FGF22: variants seen among roughly 807,000 people sequenced by gnomAD.
The protein encoded by FGF22 is fibroblast growth factor 22.
Under a neutral mutation model 10.3 loss-of-function variants are expected in FGF22, and 11 were observed. The ratio of observed to expected loss-of-function variants is 1.07; its 90% CI spans 0.67 to 1.77. FGF22 has a LOEUF of 1.77. Among genes scored for constraint, FGF22 ranks in the 40% most tolerant of loss-of-function variants. The probability of loss-of-function intolerance (pLI) is 0.00; values close to 1 mark genes in which losing one functional copy is unlikely to be tolerated. For missense variants in FGF22, 317 were observed against 273.2 expected (o/e 1.16, Z -1.13); for synonymous variants, 136 against 122.1 (o/e 1.11, Z -0.75).
At chr19:640,526 G>A in intron 1 of FGF22, 1 of 170,450 alleles carries the variant, frequency 5.9e-6, no homozygotes, top group Non-Finnish European at 1.2e-5. Flanking sequence ...CCTGAGTCGG[G>A]GCCCCCTCTG....
At chr19:640,938 C>G (rs948364868) in intron 1 of FGF22, 2 of 335,726 alleles carry the variant, frequency 6.0e-6, no homozygotes, top group African/African-American at 4.3e-5. Flanking sequence ...CCGCACGTGA[C>G]GAGGGCGGAC....
At chr19:639,984 C>A in exon 1 of FGF22, 1 of 1,272,608 alleles carries the variant, frequency 7.9e-7, no homozygotes, top group South Asian at 2.8e-5. Flanking sequence ...GCGCCGGACG[C>A]CGCGGGAACC....
At chr19:641,682 G>A in intron 1 of FGF22, 1 of 189,286 alleles carries the variant, frequency 5.3e-6, no homozygotes, top group Non-Finnish European at 1.1e-5. Context: ...GGGAGGGGAG[G>A]TGCAGGGCGA....
Position 640,156 on chromosome 19 carries a change from G to A in FGF22, c.214+17G>A. ...GCCAGGACAGTGAGTGCGGGGCGGC[G>A]GGGGCCTGGGGTGGGGAGGCGGCGG... On this transcript the variant is annotated intron_variant, in intron 1 of 2. Transcript: ENST00000215530. 1.6e-6 allele frequency: 2 copies of A among 1,279,506 alleles called. No individual in the cohort carries two copies. The highest frequency in any genetic ancestry group is 2.4e-5 in the South Asian group (1 of 41,370). The allele number at this position is 1,279,506 out of a possible 1,614,324, so 79.3% of individuals were successfully genotyped here.
intron 1 of FGF22, 143 bp from the exon 2 acceptor site, chr19:643,091 TC>T: frequency 4.4e-6 from 3 of 674,480 alleles, no homozygotes; most frequent in Non-Finnish European, 8.0e-6. Context: ...ATCCTGAGTG[TC>T]CGTCGTGGTC....
chr19:643,405 C>A lies in FGF22; in HGVS notation c.319-5C>A, dbSNP rs769674993. 4 of 1,609,772 alleles carry A rather than the reference C, an allele frequency of 2.5e-6. No homozygotes were observed. Among genetic ancestry groups the A allele is most frequent in the East Asian group, 2.2e-5 (1 of 44,782 alleles). ...AGGGTGGGCCGGCCTCACCCCCGCC[C>A]GCAGCGACTCTACACCGTGGACTGC... is the stretch of plus-strand genomic sequence containing the variant. On this transcript the variant is annotated splice_polypyrimidine_tract_variant and splice_region_variant and intron_variant, in intron 2 of 2. Coordinates refer to ENST00000215530, the Ensembl canonical transcript of FGF22.
At chr19:641,546 C>T (rs11572866) in intron 1 of FGF22, 34 of 198,276 alleles carry the variant, frequency 1.7e-4, no homozygotes, top group Non-Finnish European at 3.0e-4. Context: ...CTGCCCTCCA[C>T]CCTGGGCGAC....
At chr19:640,985 T>C (rs1210004689) in intron 1 of FGF22, 1 of 357,336 alleles carries the variant, frequency 2.8e-6, no homozygotes, top group Non-Finnish European at 5.6e-6. Context: ...ATGGCGGGCA[T>C]GGCCAGGCGG....
Position 641,265 on chromosome 19 carries a change from G to A in FGF22, c.214+1126G>A, listed in dbSNP as rs999893209. ...AGCAGTTAGACACGTGAACAAGGGC[G>A]CAGGTGGGTGCACAGAACAGTGAAC... is the stretch of plus-strand genomic sequence containing the variant. On this transcript the variant is annotated intron_variant, in intron 1 of 2. Transcript: ENST00000215530. The A allele has an allele frequency of 1.5e-5, 7 of 455,630 alleles. No individual in the cohort carries two copies. In the East Asian group the frequency reaches 2.1e-4, roughly 14 times the overall value. The allele number at this position is 455,630 out of a possible 1,614,324, so 28.2% of individuals were successfully genotyped here. A position where few individuals can be genotyped will look rare whatever the true frequency, so the allele number is the denominator to read the frequency against.
chr19:641,222 C>T (rs932297084), intron 1 of FGF22: 1 of 456,494 alleles, frequency 2.2e-6, no homozygotes, highest in Non-Finnish European at 4.4e-6. Context: ...TCCTGGGGCT[C>T]CCAGAGCAGA....
chr19:643,745 C>G, exon 3 of FGF22: 1 of 713,052 alleles, frequency 1.4e-6, no homozygotes, highest in Non-Finnish European at 2.3e-6. Flanking sequence ...CAGGAGCCCT[C>G]CAGGGGGGTC....
exon 1 of FGF22, chr19:640,080 T>C: frequency 7.1e-7 from 1 of 1,418,424 alleles, no homozygotes. Context: ...ACTCACTTCT[T>C]CCTGCGCGTG....
intron 1 of FGF22, 68 bp from the exon 2 acceptor site, chr19:643,167 A>G: frequency 2.0e-6 from 1 of 501,274 alleles, no homozygotes. Context: ...CCCTGCACGA[A>G]GCACAGCGGA....
At chr19:640,526 G>GAT in intron 1 of FGF22, 1 of 170,450 alleles carries the variant, frequency 5.9e-6, no homozygotes, top group Non-Finnish European at 1.2e-5. Flanking sequence ...CCTGAGTCGG[G>GAT]GCCCCCTCTG....
chr19:643,260 C>T (rs142706038), exon 2 of FGF22: 153 of 1,611,396 alleles, frequency 9.5e-5, no homozygotes, highest in Non-Finnish European at 1.2e-4. Flanking sequence ...GCTCTGTACA[C>T]GTGGGCGTCG....
At chr19:643,365 G>A (rs748117927) in intron 2 of FGF22, 27 bp downstream of exon 2, 32 of 1,601,924 alleles carry the variant, frequency 2.0e-5, no homozygotes, top group Middle Eastern at 3.4e-4. Context: ...GCTGGGCGGC[G>A]CGGGCAGGGT....
chr19:643,910 G>T (rs888492002), exon 3 of FGF22: 11 of 392,268 alleles, frequency 2.8e-5, no homozygotes, highest in African/African-American at 6.4e-5. Context: ...GGCTCGGGGT[G>T]GGGAGCACGT....
At chr19:641,873 G>A (rs969634051) in intron 1 of FGF22, among the ~76,000 whole-genome samples, 3 of 152,172 alleles carry the variant, frequency 2.0e-5, no homozygotes, top group African/African-American at 7.2e-5. Flanking sequence ...CACCCAGGCC[G>A]GGGTGAGCGA....
intron 1 of FGF22, chr19:641,182 G>A (rs1216609595): frequency 2.8e-5 from 13 of 456,426 alleles, no homozygotes; most frequent in Non-Finnish European, 5.3e-5. Flanking sequence ...CTCCGCATGG[G>A]GGACCCAGTG....
Sources: allele counts gnomAD v4.1 joint callset (sites outside exome capture counted in the v4.1 genomes callset), GRCh38; gene constraint gnomAD v4.1.1; transcripts MANE v1.5; gene names NCBI Gene and HGNC (gene_info 2026-07-23, HGNC 2026-07-21).